The following MAP4K4 variants were observed in gnomAD, a reference collection of about 807,000 sequenced individuals.
MAP4K4 encodes the protein mitogen-activated protein kinase kinase kinase kinase 4.
A neutral mutation model predicts 189.6 loss-of-function variants in MAP4K4; 38 were observed. That is an observed-to-expected ratio of 0.20 (90% CI 0.15 to 0.26). The LOEUF (loss-of-function observed/expected upper bound fraction) is 0.26, where lower values mean the gene tolerates loss of function less well. MAP4K4 is among the 10% of genes least tolerant of loss of function. The pLI, the probability that MAP4K4 is intolerant of heterozygous loss-of-function variation, is 1.00. For synonymous variants in MAP4K4, 610 were observed against 624.3 expected (o/e 0.98, Z 0.34); for missense variants, 1,054 against 1,726.9 (o/e 0.61, Z 6.91).
chr2:101,771,744 C>A (rs1249779627), intron 2 of MAP4K4, among the ~76,000 whole-genome samples: 2 of 152,228 alleles, frequency 1.3e-5, no homozygotes, highest in Admixed American at 6.5e-5. Context: ...CCCTCATTTA[C>A]ATGAGGAGTT....
At chr2:101,772,677 T>G (rs1322254506) in intron 2 of MAP4K4, among the ~76,000 whole-genome samples, 1 of 152,238 alleles carries the variant, frequency 6.6e-6, no homozygotes, top group African/African-American at 2.4e-5. Flanking sequence ...CTAAATGAAG[T>G]CTTTTTTGGC....
chr2:101,859,786 G>A (rs763922718), exon 15 of MAP4K4: 48 of 1,610,574 alleles, frequency 3.0e-5, no homozygotes, highest in Non-Finnish European at 3.3e-5. Context: ...CGCCACCACC[G>A]CAGCAGGAAA....
At chr2:101,782,973 A>G (rs1305103420) in intron 2 of MAP4K4, among the ~76,000 whole-genome samples, 1 of 152,132 alleles carries the variant, frequency 6.6e-6, no homozygotes, top group Non-Finnish European at 1.5e-5. Flanking sequence ...AAGAGTGGTC[A>G]GTAGATTTCC....
chr2:101,822,147 T>A (rs908987543), intron 3 of MAP4K4, among the ~76,000 whole-genome samples: 4 of 152,244 alleles, frequency 2.6e-5, no homozygotes, highest in Non-Finnish European at 4.4e-5. Flanking sequence ...GAGTACACTT[T>A]AATAAACAAT....
chr2:101,877,476 CT>C (rs571878053), intron 27 of MAP4K4, among the ~76,000 whole-genome samples: 11,726 of 132,688 alleles, frequency 0.088, 1,142 homozygotes, highest in African/African-American at 0.3. Flanking sequence ...TTCCACCAGA[CT>C]TTTTTTTTTT....
intron 12 of MAP4K4, among the ~76,000 whole-genome samples, chr2:101,849,457 T>G (rs981631519): frequency 3.3e-5 from 5 of 152,078 alleles, no homozygotes; most frequent in African/African-American, 1.2e-4. Flanking sequence ...TTTTCCTATT[T>G]AGAGCATCAT....
At chr2:101,714,384 A>G (rs1017322793) in intron 2 of MAP4K4, among the ~76,000 whole-genome samples, 2 of 152,220 alleles carry the variant, frequency 1.3e-5, no homozygotes, top group Non-Finnish European at 2.9e-5. Flanking sequence ...AAGTTATGCC[A>G]TCTTTATGCA....
At chr2:101,849,766 A>G (rs957947853) in intron 12 of MAP4K4, among the ~76,000 whole-genome samples, 1 of 152,004 alleles carries the variant, frequency 6.6e-6, no homozygotes, top group Non-Finnish European at 1.5e-5. Context: ...ATGATGGCTT[A>G]CATCTGTAAT....
At chr2:101,746,474 A>C (rs2065655039) in intron 2 of MAP4K4, among the ~76,000 whole-genome samples, 1 of 152,030 alleles carries the variant, frequency 6.6e-6, no homozygotes. Context: ...ATGGTAATAC[A>C]TATTATATTC....
intron 5 of MAP4K4, 127 bp downstream of exon 5, chr2:101,825,556 G>T (rs1024593912): frequency 3.7e-5 from 19 of 515,410 alleles, no homozygotes; most frequent in Non-Finnish European, 5.8e-5. Context: ...ACAGCCAAGG[G>T]TTCTGTATAT....
At chr2:101,858,827 A>C (rs1318386773) in intron 13 of MAP4K4, among the ~76,000 whole-genome samples, 169 bp from the exon 14 acceptor site, 1 of 152,222 alleles carries the variant, frequency 6.6e-6, no homozygotes. Flanking sequence ...TTACTGGCCA[A>C]TTTGAAGTTC....
At position 101,828,306 on chromosome 2, in the gene MAP4K4, C is replaced by T. The variant is rs531412904; in HGVS notation, c.418-1198C>T. Reference sequence around the variant, plus strand: ...ACTGAAATAATAGAAATAGGAATTACGAAGAATTGGGAAGTTAGCTTTTGT... The same window carrying T: ...ACTGAAATAATAGAAATAGGAATTATGAAGAATTGGGAAGTTAGCTTTTGT... On this transcript the variant is annotated intron_variant, in intron 5 of 32. Coordinates refer to ENST00000324219, the Ensembl canonical transcript of MAP4K4. Among the ~76,000 whole-genome samples, 3 of 152,282 alleles carry T rather than the reference C, an allele frequency of 2.0e-5. No individual in the cohort carries two copies. In the South Asian group the frequency reaches 6.2e-4, roughly 32 times the overall value.
At chr2:101,857,397 CTA>C (rs1435601966) in intron 13 of MAP4K4, among the ~76,000 whole-genome samples, 2 of 152,148 alleles carry the variant, frequency 1.3e-5, no homozygotes, top group Admixed American at 6.5e-5. Context: ...TGTTCATTGA[CTA>C]TGTGTTAGGA....
At chr2:101,877,619 G>T (rs1044476573) in intron 27 of MAP4K4, among the ~76,000 whole-genome samples, 1 of 151,884 alleles carries the variant, frequency 6.6e-6, no homozygotes, top group African/African-American at 2.4e-5. Context: ...GGGACTACAG[G>T]CAAGTGCCAC....
chr2:101,894,454 T>A (rs1057286281), exon 33 of MAP4K4: 3 of 152,800 alleles, frequency 2.0e-5, no homozygotes, highest in African/African-American at 7.2e-5. Flanking sequence ...TTATGGGTTA[T>A]TTAGGTTTTC....
At chr2:101,726,712 G>A (rs6708794) in intron 2 of MAP4K4, among the ~76,000 whole-genome samples, 3,074 of 152,252 alleles carry the variant, frequency 0.02, 114 homozygotes, top group African/African-American at 0.069. Flanking sequence ...TAAACTACAT[G>A]GGAAAGAGCA....
At chr2:101,827,822 T>C (rs2096430312) in intron 5 of MAP4K4, among the ~76,000 whole-genome samples, 1 of 152,188 alleles carries the variant, frequency 6.6e-6, no homozygotes, top group African/African-American at 2.4e-5. Context: ...CTTTGCCTGC[T>C]CTTTTATTCT....
intron 2 of MAP4K4, among the ~76,000 whole-genome samples, chr2:101,760,742 G>A (rs1057022230): frequency 2.0e-5 from 3 of 152,082 alleles, no homozygotes; most frequent in Non-Finnish European, 4.4e-5. Flanking sequence ...AGTGGCTCAC[G>A]CCTGTAATCC....
At position 101,882,389 on chromosome 2, in the gene MAP4K4, C is replaced by T. The variant is rs544627774; in HGVS notation, c.3386-162C>T. Among the ~76,000 whole-genome samples the T allele has an allele frequency of 2.1e-3, 321 of 152,254 alleles. 1 individual carries two copies. Among genetic ancestry groups the T allele is most frequent in the South Asian group, 5.0e-3 (24 of 4,830 alleles). ...TTTACATATTCTGGATTATGACTCC[C>T]TTGTCAGCTGTTTCTGTGGTACACA... On this transcript the variant is annotated intron_variant, in intron 27 of 32. Transcript: ENST00000324219.
Sources: allele counts gnomAD v4.1 joint callset (sites outside exome capture counted in the v4.1 genomes callset), GRCh38; gene constraint gnomAD v4.1.1; transcripts MANE v1.5; gene names NCBI Gene and HGNC (gene_info 2026-07-23, HGNC 2026-07-21).